Variants in FAP observed in about 807,000 individuals in gnomAD.
FAP encodes the protein fibroblast activation protein alpha.
Under a neutral mutation model 126.5 loss-of-function variants are expected in FAP, and 110 were observed. That is an observed-to-expected ratio of 0.87 (90% CI 0.74 to 1.02). FAP has a LOEUF of 1.02. Ranked by LOEUF, FAP falls within the 50% of genes least tolerant of loss-of-function variation. The probability of loss-of-function intolerance (pLI) is 0.00; values close to 1 mark genes in which losing one functional copy is unlikely to be tolerated. For synonymous variants in FAP, 334 were observed against 297.3 expected (o/e 1.12, Z -1.27); for missense variants, 919 against 909.2 (o/e 1.01, Z -0.14).
At chr2:162,223,554 G>A (rs1198298469) in intron 6 of FAP, 54 bp downstream of exon 6, 27 of 1,121,618 alleles carry the variant, frequency 2.4e-5, no homozygotes, top group Non-Finnish European at 2.7e-5. Flanking sequence ...AGTTTGGAAT[G>A]AAAACATTCT....
At chr2:162,182,084 G>T (rs1375827099) in intron 21 of FAP, among the ~76,000 whole-genome samples, 1 of 152,134 alleles carries the variant, frequency 6.6e-6, no homozygotes, top group African/African-American at 2.4e-5. Flanking sequence ...AACTAGATGT[G>T]GTGAGAATCT....
intron 21 of FAP, among the ~76,000 whole-genome samples, chr2:162,180,141 G>T (rs752996814): frequency 5.3e-5 from 8 of 152,092 alleles, no homozygotes; most frequent in Non-Finnish European, 1.0e-4. Context: ...GGGAGAAGTG[G>T]CAAGAGATGA....
In FAP at chr2:162,238,746, C is replaced by G. The variant is rs865846589; in HGVS notation, c.91+4162G>C. Among the ~76,000 whole-genome samples, 18 of 152,218 alleles carry G rather than the reference C, an allele frequency of 1.2e-4. 1 individual carries two copies. In the Middle Eastern group the frequency reaches 0.02, roughly 173 times the overall value. On this transcript the variant is annotated intron_variant, in intron 2 of 25. Transcript: ENST00000188790. ...CTTTACTACTAACATATTTATATCT[C>G]CTTTGAAGATGATTTTATCTCACGT...
chr2:162,233,627 T>C (rs1244883873), intron 2 of FAP, among the ~76,000 whole-genome samples: 1 of 152,192 alleles, frequency 6.6e-6, no homozygotes, highest in East Asian at 1.9e-4. Context: ...ATGGCCTTTA[T>C]CGAATATATA....
chr2:162,213,820 G>T (rs1303712542), intron 11 of FAP, 118 bp downstream of exon 11: 3 of 955,664 alleles, frequency 3.1e-6, no homozygotes, highest in Non-Finnish European at 4.5e-6. Flanking sequence ...TTGCAAAGCA[G>T]TTGGCAGTTG....
intron 17 of FAP, among the ~76,000 whole-genome samples, chr2:162,191,755 T>C (rs1688055099): frequency 6.6e-6 from 1 of 152,162 alleles, no homozygotes; most frequent in South Asian, 2.1e-4. Context: ...AATGAGCATT[T>C]TCTGTGCCCA....
intron 25 of FAP, 89 bp downstream of exon 25, chr2:162,172,722 T>C: frequency 1.2e-6 from 1 of 837,390 alleles, no homozygotes; most frequent in Non-Finnish European, 2.0e-6. Flanking sequence ...CAGATTTTAC[T>C]TTAAAAGTTA....
intron 7 of FAP, 117 bp from the exon 8 acceptor site, chr2:162,219,300 A>C: frequency 1.0e-6 from 1 of 986,130 alleles, no homozygotes; most frequent in Non-Finnish European, 1.4e-6. Context: ...AAAAAGATTC[A>C]CAACTAAAAT....
chr2:162,224,419 A>G, intron 5 of FAP, 47 bp downstream of exon 5: 1 of 1,142,630 alleles, frequency 8.8e-7, no homozygotes. Context: ...CACCTTGTGG[A>G]TTAGTAGGAG....
intron 16 of FAP, 96 bp from the exon 17 acceptor site, chr2:162,194,844 T>G (rs1342949306): frequency 2.0e-6 from 2 of 1,023,386 alleles, no homozygotes; most frequent in Non-Finnish European, 3.1e-6. Context: ...TAGTGTCAAG[T>G]GCCAGTACAT....
At chr2:162,226,983 T>C (rs1000499053) in intron 2 of FAP, among the ~76,000 whole-genome samples, 1 of 152,116 alleles carries the variant, frequency 6.6e-6, no homozygotes, top group Non-Finnish European at 1.5e-5. Flanking sequence ...TTCCAACAAC[T>C]CTAGTCCTTG....
intron 12 of FAP, among the ~76,000 whole-genome samples, chr2:162,206,848 C>T (rs1688716922): frequency 6.6e-6 from 1 of 152,174 alleles, no homozygotes; most frequent in South Asian, 2.1e-4. Context: ...GTAAAGTTCG[C>T]AGGAAACCTA....
At chr2:162,235,897 G>A (rs1690110256) in intron 2 of FAP, among the ~76,000 whole-genome samples, 1 of 152,122 alleles carries the variant, frequency 6.6e-6, no homozygotes, top group African/African-American at 2.4e-5. Context: ...CACCAATTCC[G>A]GACACAGTGT....
intron 14 of FAP, among the ~76,000 whole-genome samples, chr2:162,201,721 A>G (rs1401478063): frequency 6.6e-6 from 1 of 152,114 alleles, no homozygotes; most frequent in Non-Finnish European, 1.5e-5. Context: ...GAGAATGTGT[A>G]TTGAACTACT....
chr2:162,223,839 G>A (rs1486346650), intron 5 of FAP, among the ~76,000 whole-genome samples, 179 bp from the exon 6 acceptor site: 1 of 152,112 alleles, frequency 6.6e-6, no homozygotes, highest in Non-Finnish European at 1.5e-5. Flanking sequence ...GTCTTACTGT[G>A]GACTTTTGTG....
chr2:162,239,706 G>A (rs1690271683), intron 2 of FAP, among the ~76,000 whole-genome samples: 1 of 152,108 alleles, frequency 6.6e-6, no homozygotes, highest in Admixed American at 6.5e-5. Flanking sequence ...CTACATGTTA[G>A]AAATTTTAGA....
chr2:162,243,096 G>A (rs991496053), intron 1 of FAP, 104 bp from the exon 2 acceptor site: 1 of 969,236 alleles, frequency 1.0e-6, no homozygotes, highest in African/African-American at 1.6e-5. Flanking sequence ...GCCCCACAAA[G>A]CTTTTGATTG....
At chr2:162,172,604 T>C (rs1687349140) in intron 25 of FAP, 3 of 517,722 alleles carry the variant, frequency 5.8e-6, no homozygotes, top group Middle Eastern at 5.1e-4. Flanking sequence ...ATGACTCAAC[T>C]GGGAACACGA....
At chr2:162,217,846 G>A in intron 9 of FAP, 140 bp downstream of exon 9, 1 of 523,006 alleles carries the variant, frequency 1.9e-6, no homozygotes, top group Non-Finnish European at 3.3e-6. Context: ...ATAAATAATA[G>A]AGCACAGTAC....
Sources: allele counts gnomAD v4.1 joint callset (sites outside exome capture counted in the v4.1 genomes callset), GRCh38; gene constraint gnomAD v4.1.1; transcripts MANE v1.5; gene names NCBI Gene and HGNC (gene_info 2026-07-23, HGNC 2026-07-21).